The following BCL2L14 variants were observed in gnomAD, a reference collection of about 807,000 sequenced individuals.
The protein encoded by BCL2L14 is apoptosis facilitator Bcl-2-like protein 14.
Under a neutral mutation model 35.3 loss-of-function variants are expected in BCL2L14, and 27 were observed. The ratio of observed to expected loss-of-function variants is 0.76; its 90% CI spans 0.56 to 1.05. The LOEUF (loss-of-function observed/expected upper bound fraction) is 1.05. Among genes scored for constraint, BCL2L14 ranks in the 50% least tolerant of loss-of-function variants. The probability of loss-of-function intolerance (pLI) is 0.00; values close to 1 mark genes in which losing one functional copy is unlikely to be tolerated. For synonymous variants in BCL2L14, 139 were observed against 145.9 expected (o/e 0.95, Z 0.34); for missense variants, 377 against 382.6 (o/e 0.99, Z 0.12).
At chr12:12,057,785 C>T (rs896867429) in intron 2 of BCL2L14, among the ~76,000 whole-genome samples, 1 of 141,836 alleles carries the variant, frequency 7.1e-6, no homozygotes, top group East Asian at 2.0e-4. Flanking sequence ...TGAAGAACAT[C>T]AACAAACTGG....
chr12:12,072,433 G>A (rs991509203), intron 1 of BCL2L14: 1 of 152,348 alleles, frequency 6.6e-6, no homozygotes, highest in African/African-American at 2.4e-5. Flanking sequence ...CGGCCACCTC[G>A]GGGAGGGAAA....
intron 1 of BCL2L14, among the ~76,000 whole-genome samples, chr12:12,073,315 G>T (rs927319152): frequency 6.6e-6 from 1 of 152,178 alleles, no homozygotes; most frequent in African/African-American, 2.4e-5. Flanking sequence ...GCTGGCTCCT[G>T]AGCACTGTTC....
chr12:12,066,091 G>T (rs144931786), upstream of BCL2L14, among the ~76,000 whole-genome samples: 10 of 152,196 alleles, frequency 6.6e-5, no homozygotes, highest in East Asian at 1.9e-3. Context: ...GCACCTGGCC[G>T]AGAGTTTTTC....
At chr12:12,066,727 T>C (rs891276769), upstream of BCL2L14, among the ~76,000 whole-genome samples, 1 of 151,824 alleles carries the variant, frequency 6.6e-6, no homozygotes, top group Non-Finnish European at 1.5e-5. Context: ...TTTTTTTTTT[T>C]TTTTTTGAGA....
At chr12:12,064,400 C>CATT (rs936947680) in intron 2 of BCL2L14, among the ~76,000 whole-genome samples, 2 of 10,180 alleles carry the variant, frequency 2.0e-4, no homozygotes. Context: ...CAAAAGCACA[C>CATT]CCAAAAGGTG....
intron 4 of BCL2L14, among the ~76,000 whole-genome samples, chr12:12,093,794 G>A (rs866098402): frequency 4.0e-4 from 53 of 131,644 alleles, no homozygotes; most frequent in Non-Finnish European, 3.8e-4. Context: ...CTCCATCTCA[G>A]AAAAAAAAAA....
intron 2 of BCL2L14, among the ~76,000 whole-genome samples, chr12:12,086,671 A>G (rs1359130998): frequency 6.6e-6 from 1 of 152,266 alleles, no homozygotes; most frequent in African/African-American, 2.4e-5. Context: ...AAGAGGCAGA[A>G]CTGTACCAGC....
At chr12:12,055,002 C>G (rs567269041) in intron 2 of BCL2L14, 2 of 151,266 alleles carry the variant, frequency 1.3e-5, no homozygotes, top group Non-Finnish European at 2.9e-5. Flanking sequence ...GGAGAGAATT[C>G]AGAGGAAAAT....
chr12:12,060,168 C>T (rs527269612), intron 2 of BCL2L14, among the ~76,000 whole-genome samples: 27 of 151,582 alleles, frequency 1.8e-4, no homozygotes, highest in South Asian at 6.3e-4. Context: ...TCCTCACACC[C>T]GGTCCGGCTT....
At chr12:12,085,983 C>T (rs544392945) in intron 2 of BCL2L14, among the ~76,000 whole-genome samples, 25 of 152,252 alleles carry the variant, frequency 1.6e-4, no homozygotes, top group Admixed American at 3.3e-4. Flanking sequence ...CTGCTCCACA[C>T]GGCATCCAAG....
intron 1 of BCL2L14, among the ~76,000 whole-genome samples, chr12:12,075,672 G>A (rs943629909): frequency 6.6e-6 from 1 of 150,406 alleles, no homozygotes; most frequent in Non-Finnish European, 1.5e-5. Flanking sequence ...TGAACTACCC[G>A]CCTTGGCCTC....
At chr12:12,080,010 C>T (rs889860282) in intron 2 of BCL2L14, among the ~76,000 whole-genome samples, 7 of 152,072 alleles carry the variant, frequency 4.6e-5, no homozygotes, top group South Asian at 4.2e-4. Flanking sequence ...TGAGACCATC[C>T]TGGCTAACAC....
intron 2 of BCL2L14, among the ~76,000 whole-genome samples, chr12:12,057,888 T>C (rs543447099): frequency 6.6e-6 from 1 of 152,062 alleles, no homozygotes; most frequent in East Asian, 1.9e-4. Context: ...AAATTCCAGC[T>C]TTGCCTCATG....
At chr12:12,071,570 C>G (rs1948669824) in intron 1 of BCL2L14, 1 of 152,156 alleles carries the variant, frequency 6.6e-6, no homozygotes, top group African/African-American at 2.4e-5. Flanking sequence ...GGTTTGAGAT[C>G]AGAGTCCTGA....
At chr12:12,062,391 T>C (rs1219553045) in intron 2 of BCL2L14, among the ~76,000 whole-genome samples, 1 of 148,220 alleles carries the variant, frequency 6.7e-6, no homozygotes, top group Non-Finnish European at 1.5e-5. Flanking sequence ...CCAGGCCTAA[T>C]TGCCACACAC....
chr12:12,062,758 T>A (rs1948544358), intron 2 of BCL2L14, among the ~76,000 whole-genome samples: 1 of 152,166 alleles, frequency 6.6e-6, no homozygotes, highest in African/African-American at 2.4e-5. Flanking sequence ...ATTCCTCAGT[T>A]TAGCCTTCCC....
At chr12:12,066,873 G>C (rs1948600702), upstream of BCL2L14, among the ~76,000 whole-genome samples, 1 of 151,856 alleles carries the variant, frequency 6.6e-6, no homozygotes. Context: ...ACCATGTCTA[G>C]CTAATTTTTT....
At chr12:12,095,983 G>C in intron 5 of BCL2L14, 2 of 985,222 alleles carry the variant, frequency 2.0e-6, no homozygotes, top group Non-Finnish European at 2.4e-6. Context: ...ATTCTAAAAG[G>C]AGGACAGGTT....
chr12:12,082,944 T>G (rs1477323954), intron 2 of BCL2L14, among the ~76,000 whole-genome samples: 1 of 152,124 alleles, frequency 6.6e-6, no homozygotes, highest in South Asian at 2.1e-4. Context: ...AAATTTGGTT[T>G]CTCCTGGGTT....
Sources: allele counts gnomAD v4.1 joint callset (sites outside exome capture counted in the v4.1 genomes callset), GRCh38; gene constraint gnomAD v4.1.1; transcripts MANE v1.5; gene names NCBI Gene and HGNC (gene_info 2026-07-23, HGNC 2026-07-21).